The following TSPAN9 variants were observed in gnomAD, a reference collection of about 807,000 sequenced individuals.
TSPAN9 encodes tetraspanin 9.
TSPAN9 carries 16 observed loss-of-function variants against 31.0 expected under a neutral mutation model. That is an observed-to-expected ratio of 0.52 (90% confidence interval 0.35 to 0.78). The LOEUF (loss-of-function observed/expected upper bound fraction) is 0.78, where lower values mean the gene tolerates loss of function less well. TSPAN9 is among the 30% of genes least tolerant of loss of function. TSPAN9 has a pLI of 0.01. For synonymous variants in TSPAN9, 145 were observed against 121.6 expected (o/e 1.19, Z -1.27); for missense variants, 272 against 312.5 (o/e 0.87, Z 0.98).
At chr12:3,102,222 C>A (rs1208312530) in intron 2 of TSPAN9, among the ~76,000 whole-genome samples, 1 of 151,906 alleles carries the variant, frequency 6.6e-6, no homozygotes, top group Non-Finnish European at 1.5e-5. Flanking sequence ...CTCCTGGGTT[C>A]AAGCGATCCT....
intron 2 of TSPAN9, among the ~76,000 whole-genome samples, chr12:3,188,104 T>G (rs938414171): frequency 6.6e-6 from 1 of 152,170 alleles, no homozygotes; most frequent in South Asian, 2.1e-4. Context: ...CTGTGGTGTG[T>G]GGGGGTGAAA....
intron 3 of TSPAN9, among the ~76,000 whole-genome samples, chr12:3,269,937 G>C (rs1399924473): frequency 6.6e-6 from 1 of 152,240 alleles, no homozygotes; most frequent in Non-Finnish European, 1.5e-5. Context: ...GTAGGGCTGC[G>C]GCGGCAGCGG....
chr12:3,191,079 G>A (rs143485939), intron 2 of TSPAN9, among the ~76,000 whole-genome samples: 16 of 152,276 alleles, frequency 1.1e-4, no homozygotes, highest in East Asian at 5.8e-4. Context: ...TTAGCCATTC[G>A]GGGTGTGGGG....
chr12:3,246,213 A>C (rs1245461587), intron 3 of TSPAN9, among the ~76,000 whole-genome samples: 3 of 151,806 alleles, frequency 2.0e-5, no homozygotes, highest in Non-Finnish European at 4.4e-5. Flanking sequence ...ACACACTTTC[A>C]AACGACCCAG....
chr12:3,164,225 A>G (rs2098347102), intron 2 of TSPAN9, among the ~76,000 whole-genome samples: 4 of 152,234 alleles, frequency 2.6e-5, no homozygotes, highest in Admixed American at 2.6e-4. Context: ...TTATCAAAAC[A>G]GTCCTGGGAG....
Position 3,283,399 on chromosome 12 carries a change from AC to A in TSPAN9, c.*288del. The A allele has an allele frequency of 2.9e-6, 1 of 340,600 alleles. No individual in the cohort carries two copies. Among genetic ancestry groups the A allele is most frequent in the South Asian group, 5.3e-5 (1 of 18,778 alleles). 21.1% of individuals were successfully genotyped at this position (340,600 alleles called of 1,614,324 possible). On this transcript the variant is annotated 3_prime_UTR_variant, in exon 9 of 9. Coordinates refer to ENST00000011898, the MANE Select transcript of TSPAN9 (RefSeq NM_006675.5). The stretch of plus-strand genomic sequence containing the variant: ...GTGGGCTGGGGTGCGCTCCGGAGGA[AC>A]CCCCGGCACTGATGGGCTTCTGCCC...
intron 2 of TSPAN9, among the ~76,000 whole-genome samples, chr12:3,092,412 G>A (rs1352234704): frequency 6.6e-6 from 1 of 152,166 alleles, no homozygotes; most frequent in African/African-American, 2.4e-5. Flanking sequence ...TGTAAAGTTA[G>A]GTCAGTCCCC....
At chr12:3,265,389 A>G (rs1345576655) in intron 3 of TSPAN9, among the ~76,000 whole-genome samples, 1 of 152,218 alleles carries the variant, frequency 6.6e-6, no homozygotes, top group East Asian at 1.9e-4. Flanking sequence ...TTGCAGAGAC[A>G]CGGTACATGA....
chr12:3,085,947 G>A (rs547563391), intron 2 of TSPAN9, among the ~76,000 whole-genome samples: 2 of 152,370 alleles, frequency 1.3e-5, no homozygotes, highest in South Asian at 4.1e-4. Flanking sequence ...TGCCCCGTGA[G>A]TGGCGAGTGG....
At chr12:3,096,917 C>G (rs2098309384) in intron 2 of TSPAN9, among the ~76,000 whole-genome samples, 1 of 152,094 alleles carries the variant, frequency 6.6e-6, no homozygotes, top group South Asian at 2.1e-4. Context: ...CCAGGATGGT[C>G]TCGATCTTCT....
chr12:3,257,720 G>A (rs537538578), intron 3 of TSPAN9, among the ~76,000 whole-genome samples: 2 of 138,496 alleles, frequency 1.4e-5, no homozygotes, highest in African/African-American at 5.2e-5. Context: ...TACCTACTGT[G>A]ATGGTTTCTT....
At chr12:3,108,101 G>T (rs1378315889) in intron 2 of TSPAN9, among the ~76,000 whole-genome samples, 2 of 152,144 alleles carry the variant, frequency 1.3e-5, no homozygotes, top group Non-Finnish European at 2.9e-5. Context: ...CATAGCACCT[G>T]TGCTCACCCC....
chr12:3,156,030 G>A (rs2098342100), intron 2 of TSPAN9, among the ~76,000 whole-genome samples: 1 of 152,176 alleles, frequency 6.6e-6, no homozygotes, highest in African/African-American at 2.4e-5. Context: ...TAAACACCCA[G>A]TGTTATTTAT....
At chr12:3,212,559 C>T (rs2098379326) in intron 3 of TSPAN9, among the ~76,000 whole-genome samples, 6 of 152,134 alleles carry the variant, frequency 3.9e-5, no homozygotes, top group Admixed American at 3.9e-4. Flanking sequence ...AGGTGTGAGC[C>T]ACTGCATCTA....
At chr12:3,250,735 A>G (rs1862231982) in intron 3 of TSPAN9, among the ~76,000 whole-genome samples, 1 of 152,224 alleles carries the variant, frequency 6.6e-6, no homozygotes, top group Non-Finnish European at 1.5e-5. Context: ...TGTCCATGAC[A>G]CCAGAACCCT....
At chr12:3,272,046 G>C (rs1020596738) in intron 3 of TSPAN9, among the ~76,000 whole-genome samples, 6 of 152,140 alleles carry the variant, frequency 3.9e-5, no homozygotes, top group African/African-American at 1.4e-4. Context: ...GCCTGGCCTT[G>C]GCTCATAGAA....
rs753606494 is a variant in TSPAN9 at position 3,280,826 on chromosome 12, T to A, written c.432+343T>A. Among the ~76,000 whole-genome samples the A allele has an allele frequency of 7.2e-5, 11 of 152,066 alleles. No homozygotes were observed. The highest frequency in any genetic ancestry group is 1.2e-4 in the Non-Finnish European group (8 of 68,006). On this transcript the variant is annotated intron_variant, in intron 6 of 8. Coordinates refer to ENST00000011898, the MANE Select transcript of TSPAN9 (RefSeq NM_006675.5). The surrounding 1 kb of genome is among the most constrained non-coding windows in gnomAD (Gnocchi z 4.5). Reference sequence around the variant, plus strand: ...CTCTAGGAGGAGAACAAGTCCATAGTCCCAGATGCTCCCATTTTAAGCCCT... The same window carrying A: ...CTCTAGGAGGAGAACAAGTCCATAGACCCAGATGCTCCCATTTTAAGCCCT...
intron 3 of TSPAN9, among the ~76,000 whole-genome samples, chr12:3,271,327 G>T (rs1441752795): frequency 6.6e-6 from 1 of 152,208 alleles, no homozygotes; most frequent in African/African-American, 2.4e-5. Context: ...AGCCAATGGG[G>T]CCTTAGGCTG....
chr12:3,164,551 C>T (rs942003702), intron 2 of TSPAN9, among the ~76,000 whole-genome samples: 3 of 152,230 alleles, frequency 2.0e-5, no homozygotes, highest in Admixed American at 2.0e-4. Flanking sequence ...TTGCACTTGT[C>T]CCAGGCCTGC....
Sources: allele counts gnomAD v4.1 joint callset (sites outside exome capture counted in the v4.1 genomes callset), GRCh38; gene constraint gnomAD v4.1.1; non-coding constraint Gnocchi (gnomAD v3.1); transcripts MANE v1.5; gene names NCBI Gene and HGNC (gene_info 2026-07-23, HGNC 2026-07-21).